STAG1: variants seen among roughly 807,000 people sequenced by gnomAD.
The protein encoded by STAG1 is cohesin subunit SA-1.
STAG1 carries 26 observed loss-of-function variants against 170.9 expected under a neutral mutation model. The ratio of observed to expected loss-of-function variants is 0.15; its 90% CI spans 0.11 to 0.21. STAG1 has a LOEUF of 0.21. Among genes scored for constraint, STAG1 ranks in the 10% least tolerant of loss-of-function variants. The pLI is 1.00. For missense variants in STAG1, 964 were observed against 1,509.5 expected (o/e 0.64, Z 5.99); for synonymous variants, 514 against 497.7 (o/e 1.03, Z -0.44).
At chr3:136,479,040 T>C (rs1347447697) in intron 9 of STAG1, among the ~76,000 whole-genome samples, 1 of 151,036 alleles carries the variant, frequency 6.6e-6, no homozygotes, top group Non-Finnish European at 1.5e-5. Flanking sequence ...TTCCATTAAA[T>C]GTTGGCTATT....
At chr3:136,625,383 G>A (rs1026793679) in intron 2 of STAG1, among the ~76,000 whole-genome samples, 7 of 152,050 alleles carry the variant, frequency 4.6e-5, no homozygotes, top group Admixed American at 1.3e-4. Flanking sequence ...ACACCTGACC[G>A]CATTCCAGAT....
intron 28 of STAG1, among the ~76,000 whole-genome samples, chr3:136,349,799 C>T (rs574797692): frequency 1.3e-5 from 2 of 152,250 alleles, no homozygotes; most frequent in South Asian, 2.1e-4. Context: ...TTATAAAATA[C>T]CGTAATTTAA....
intron 24 of STAG1, 106 bp from the exon 25 acceptor site, chr3:136,367,188 A>G (rs892372787): frequency 1.1e-6 from 1 of 912,414 alleles, no homozygotes; most frequent in Middle Eastern, 3.5e-4. Flanking sequence ...TAACTTCACA[A>G]ATAGTACAAT....
intron 1 of STAG1, among the ~76,000 whole-genome samples, chr3:136,677,881 TATATATATC>T (rs1942175766): frequency 2.0e-5 from 3 of 148,038 alleles, no homozygotes. Context: ...TCATTTCTGA[TATATATATC>T]ATATATATAA....
intron 1 of STAG1, among the ~76,000 whole-genome samples, chr3:136,637,956 C>T (rs1418044966): frequency 6.6e-6 from 1 of 151,654 alleles, no homozygotes; most frequent in Non-Finnish European, 1.5e-5. Context: ...TCCCTGCAGC[C>T]TCCAACTCCT....
intron 3 of STAG1, among the ~76,000 whole-genome samples, chr3:136,618,211 T>A (rs1419685594): frequency 1.3e-5 from 2 of 152,112 alleles, no homozygotes; most frequent in Non-Finnish European, 2.9e-5. Context: ...TCATAACCAT[T>A]TTTCCCACCA....
At chr3:136,687,086 A>G (rs1942553657) in intron 1 of STAG1, among the ~76,000 whole-genome samples, 1 of 152,216 alleles carries the variant, frequency 6.6e-6, no homozygotes, top group African/African-American at 2.4e-5. Context: ...GTGACAACCA[A>G]TGTTCAGATT....
At chr3:136,464,832 G>T in intron 13 of STAG1, 49 bp downstream of exon 13, 1 of 1,484,724 alleles carries the variant, frequency 6.7e-7, no homozygotes, top group Non-Finnish European at 9.2e-7. Context: ...AAAACAACAA[G>T]AAAACAACAT....
rs184949929 is a variant in STAG1, at chr3:136,527,334, T to C, written c.472-5917A>G. Among the ~76,000 whole-genome samples, 5 of 152,374 alleles carry C rather than the reference T, an allele frequency of 3.3e-5. No homozygotes were observed. In the East Asian group the frequency reaches 7.7e-4, roughly 23 times the overall value. ...TCCAAACTTCCTTTCTCGCTTCATT[T>C]CATTCATTTGATCTTCAATCACCGA... On this transcript the variant is annotated intron_variant, in intron 6 of 33. Coordinates refer to ENST00000383202, the MANE Select transcript of STAG1 (RefSeq NM_005862.3).
intron 4 of STAG1, among the ~76,000 whole-genome samples, chr3:136,588,929 A>G (rs1301934793): frequency 6.6e-6 from 1 of 151,970 alleles, no homozygotes; most frequent in East Asian, 2.0e-4. Context: ...CAACCAAATA[A>G]CTTTTGTATT....
chr3:136,372,305 T>A (rs1220531795), intron 23 of STAG1, among the ~76,000 whole-genome samples: 2 of 152,216 alleles, frequency 1.3e-5, no homozygotes, highest in Non-Finnish European at 2.9e-5. Context: ...CAGGGACAAT[T>A]TGACTTCCTC....
At chr3:136,644,913 A>G (rs1940945718) in intron 1 of STAG1, among the ~76,000 whole-genome samples, 1 of 151,852 alleles carries the variant, frequency 6.6e-6, no homozygotes, top group Non-Finnish European at 1.5e-5. Flanking sequence ...GTAGAGACAC[A>G]GGGTTTGGGT....
intron 13 of STAG1, among the ~76,000 whole-genome samples, chr3:136,462,231 A>T (rs534650299): frequency 6.6e-6 from 1 of 152,312 alleles, no homozygotes; most frequent in East Asian, 1.9e-4. Context: ...TATCAAAGAG[A>T]TATCTGCACT....
chr3:136,690,092 G>C (rs1402600545), intron 1 of STAG1, among the ~76,000 whole-genome samples: 1 of 136,664 alleles, frequency 7.3e-6, no homozygotes, highest in African/African-American at 2.8e-5. Flanking sequence ...AAAGAAAAGA[G>C]AGAAAAAAGT....
intron 1 of STAG1, among the ~76,000 whole-genome samples, chr3:136,704,821 CAAAAAAAAAAAAA>C (rs67207510): frequency 1.5e-3 from 77 of 51,424 alleles, no homozygotes; most frequent in Non-Finnish European, 2.1e-3. Flanking sequence ...GTCCCTGTCT[CAAAAAAAAAAAAA>C]AAAAAAAAAA....
At chr3:136,717,114 T>C (rs912692909) in intron 1 of STAG1, among the ~76,000 whole-genome samples, 2 of 152,248 alleles carry the variant, frequency 1.3e-5, no homozygotes, top group African/African-American at 4.8e-5. Flanking sequence ...TGTAAATGCA[T>C]ACTGCATAAA....
chr3:136,604,333 C>T lies in STAG1; in HGVS notation c.273G>A (p.Val91=). ...EGEPVTLFEV[V]KLGKSAMQSV... ...CCTGCATTGCACTTTTCCCCAGTTT[C>T]ACCACCTCAAATAATGTGACAGGCT... is the stretch of plus-strand genomic sequence containing the variant. The change falls in exon 4 of 34, where the codon GTG becomes GTA. Residue 91 remains valine (V), a synonymous_variant. Coordinates refer to ENST00000383202, the MANE Select transcript of STAG1 (RefSeq NM_005862.3). 6.2e-7 allele frequency: 1 copy of T among 1,609,326 alleles called. No homozygotes were observed. The highest frequency in any genetic ancestry group is 8.5e-7 in the Non-Finnish European group (1 of 1,178,898).
chr3:136,438,277 T>C (rs548229876), intron 15 of STAG1, among the ~76,000 whole-genome samples: 2 of 147,822 alleles, frequency 1.4e-5, no homozygotes, highest in African/African-American at 4.9e-5. Flanking sequence ...TCTCGCTCTA[T>C]TGCCCAGACT....
At position 136,591,158 on chromosome 3, in the gene STAG1, T is replaced by C. The variant is rs147472799; in HGVS notation, c.297+13151A>G. On this transcript the variant is annotated intron_variant, in intron 4 of 33. Coordinates refer to ENST00000383202, the MANE Select transcript of STAG1 (RefSeq NM_005862.3). ...TTTTTACATAATAAAATATTACTAATAGCTTTAATGAGTGACCTGCAGAAT... is the reference window on the plus strand; with the variant it reads ...TTTTTACATAATAAAATATTACTAACAGCTTTAATGAGTGACCTGCAGAAT... Among the ~76,000 whole-genome samples the C allele has an allele frequency of 4.0e-3, 577 of 143,414 alleles. 2 individuals carry two copies. The highest frequency in any genetic ancestry group is 0.029 in the Middle Eastern group (8 of 280). The allele number at this position is 143,414 out of a possible 152,430, so 94.1% of individuals were successfully genotyped here.
Sources: gnomAD v4.1 joint callset for allele counts (sites outside exome capture counted in the v4.1 genomes callset) on GRCh38, gnomAD v4.1.1 for gene constraint, MANE v1.5 for transcripts, NCBI Gene and HGNC (gene_info 2026-07-23, HGNC 2026-07-21) for gene names.